The following PCM1 variants were observed in gnomAD, a reference collection of about 807,000 sequenced individuals.
PCM1 encodes the protein pericentriolar material 1 protein.
In PCM1, 157 loss-of-function variants were observed where a neutral mutation model predicts 241.9. That is an observed-to-expected ratio of 0.65 (90% CI 0.57 to 0.74). The LOEUF is 0.74. Among genes scored for constraint, PCM1 ranks in the 30% least tolerant of loss-of-function variants. The pLI is 0.00. For missense variants in PCM1, 3,478 were observed against 2,360.1 expected, an observed-to-expected ratio of 1.47 and a Z score of -9.81; for synonymous variants, 1,085 against 784.9, an observed-to-expected ratio of 1.38 and a Z score of -6.39.
intron 24 of PCM1, among the ~76,000 whole-genome samples, chr8:17,984,172 A>AT (rs1285164984): frequency 2.0e-5 from 3 of 152,140 alleles, no homozygotes; most frequent in African/African-American, 7.2e-5. Context: ...CGCAATTTAG[A>AT]TTGATAATTT....
At chr8:17,942,335 C>T (rs889992137) in intron 6 of PCM1, among the ~76,000 whole-genome samples, 8 of 151,972 alleles carry the variant, frequency 5.3e-5, no homozygotes, top group Non-Finnish European at 5.9e-5. Flanking sequence ...GGCACGGTGG[C>T]GCACGCCTGT....
At chr8:17,934,084 T>C (rs2059772009) in intron 2 of PCM1, among the ~76,000 whole-genome samples, 1 of 152,092 alleles carries the variant, frequency 6.6e-6, no homozygotes, top group Non-Finnish European at 1.5e-5. Context: ...TGCTATATAA[T>C]TTGTTAAAGT....
At chr8:17,990,209 C>G (rs978085510) in intron 27 of PCM1, among the ~76,000 whole-genome samples, 1 of 152,022 alleles carries the variant, frequency 6.6e-6, no homozygotes, top group Non-Finnish European at 1.5e-5. Context: ...GGAATTTTAA[C>G]CTACCTTGCT....
In PCM1 at chr8:18,011,718, A is replaced by T; in HGVS notation, c.5402A>T (p.Asp1801Val). 1 of 1,613,240 alleles carries T rather than the reference A, an allele frequency of 6.2e-7. No homozygotes were observed. The highest frequency in any genetic ancestry group is 8.5e-7 in the Non-Finnish European group (1 of 1,179,446). ...TTAACTAATTATGGAAGTGGAGAAG[A>T]TGAAAATGAGGATGAAGAAATGGAA... ...QALTNYGSGE[D>V]ENEDEEMEEF... Residue 1801 changes from aspartate to valine, a missense_variant, in exon 34 of 39, where the codon GAT becomes GTT. Coordinates refer to ENST00000325083, the MANE Select transcript of PCM1 (RefSeq NM_006197.4).
chr8:18,026,795 A>G (rs1407700532), intron 38 of PCM1, among the ~76,000 whole-genome samples: 2 of 152,050 alleles, frequency 1.3e-5, no homozygotes, highest in Non-Finnish European at 2.9e-5. Context: ...AACTTTGGTC[A>G]TTATCCCTTG....
At position 17,961,304 on chromosome 8, in the gene PCM1, C is replaced by CTTTTTTTTT. The variant is rs35468848; in HGVS notation, c.2323-714_2323-706dup. On this transcript the variant is annotated intron_variant, in intron 15 of 38. Coordinates refer to ENST00000325083, the MANE Select transcript of PCM1 (RefSeq NM_006197.4). ...TATTTTCCCAGAGTTTATTGGCTAG[C>CTTTTTTTTT]TTTTTTTTTTTTTTTTTTTTTTTTG... Among the ~76,000 whole-genome samples the CTTTTTTTTT allele has an allele frequency of 8.0e-4, 63 of 79,138 alleles. 6 individuals carry two copies. The highest frequency in any genetic ancestry group is 0.023 in the Middle Eastern group (1 of 44). The allele number at this position is 79,138 out of a possible 152,430, so 51.9% of individuals were successfully genotyped here. A position where few individuals can be genotyped will look rare whatever the true frequency, so the allele number is the denominator to read the frequency against.
At chr8:18,010,140 A>G (rs2129485250) in intron 31 of PCM1, among the ~76,000 whole-genome samples, 1 of 152,248 alleles carries the variant, frequency 6.6e-6, no homozygotes, top group East Asian at 1.9e-4. Flanking sequence ...AGTCAACACA[A>G]ATGCTTATTA....
chr8:18,002,882 A>G (rs2090083409), intron 29 of PCM1, among the ~76,000 whole-genome samples: 1 of 151,382 alleles, frequency 6.6e-6, no homozygotes, highest in Non-Finnish European at 1.5e-5. Flanking sequence ...TCTTTTGAGA[A>G]GTGTCTGTTC....
At chr8:18,018,463 G>A (rs1178472814) in intron 36 of PCM1, among the ~76,000 whole-genome samples, 1 of 152,176 alleles carries the variant, frequency 6.6e-6, no homozygotes, top group East Asian at 1.9e-4. Context: ...CAATCCAAGG[G>A]CTTTACCCAG....
At chr8:17,930,345 C>T (rs879674295) in intron 2 of PCM1, among the ~76,000 whole-genome samples, 18 of 151,620 alleles carry the variant, frequency 1.2e-4, no homozygotes, top group Non-Finnish European at 2.1e-4. Flanking sequence ...CCTCGTGATC[C>T]GCCTGCCTTG....
chr8:17,924,557 T>A (rs2056127288), intron 1 of PCM1, among the ~76,000 whole-genome samples, 156 bp from the exon 2 acceptor site: 3 of 152,210 alleles, frequency 2.0e-5, no homozygotes, highest in African/African-American at 7.2e-5. Flanking sequence ...CCAAAAGAAT[T>A]GAGGTAACTT....
intron 8 of PCM1, among the ~76,000 whole-genome samples, chr8:17,952,584 T>C (rs1694157904): frequency 6.6e-6 from 1 of 152,184 alleles, no homozygotes; most frequent in South Asian, 2.1e-4. Context: ...TTTAAAAATA[T>C]AACAGCTATT....
At chr8:18,011,501 A>C in intron 33 of PCM1, 135 bp downstream of exon 33, 1 of 1,058,956 alleles carries the variant, frequency 9.4e-7, no homozygotes, top group Non-Finnish European at 1.3e-6. Flanking sequence ...TGTGACCCTG[A>C]CTAAATTATC....
chr8:17,967,642 C>T (rs774453619), intron 21 of PCM1, among the ~76,000 whole-genome samples: 3 of 152,144 alleles, frequency 2.0e-5, no homozygotes, highest in Admixed American at 6.5e-5. Flanking sequence ...TTTAATAATA[C>T]GGTTGCTAAT....
Position 17,986,048 on chromosome 8 carries a change from A to G in PCM1, c.4371A>G (p.Ser1457=). The part of the protein sequence containing the change: ...VNSGTWIASN[S]ELTPSESLAT... ...CTGGTACTTGGATAGCATCAAACTC[A>G]GAACTTACTCCTAGTGAGAGCCTTG... Residue 1457 remains serine (S), a synonymous_variant, in exon 26 of 39, where the codon TCA becomes TCG. Transcript: ENST00000325083. 1 of 1,602,486 alleles carries G rather than the reference A, an allele frequency of 6.2e-7. No homozygotes were observed. Among genetic ancestry groups the G allele is most frequent in the Non-Finnish European group, 8.5e-7 (1 of 1,172,968 alleles).
chr8:17,966,884 C>T lies in PCM1; in HGVS notation c.3222-96C>T, dbSNP rs1443965267. 1.2e-5 allele frequency: 14 copies of T among 1,164,002 alleles called. No individual in the cohort carries two copies. The East Asian group carries it at 1.8e-4, about 15-fold the overall frequency. The allele number at this position is 1,164,002 out of a possible 1,614,324, so 72.1% of individuals were successfully genotyped here. A position where few individuals can be genotyped will look rare whatever the true frequency, so the allele number is the denominator to read the frequency against. On this transcript the variant is annotated intron_variant, in intron 20 of 38. Coordinates refer to ENST00000325083, the MANE Select transcript of PCM1 (RefSeq NM_006197.4). ...AGTATCAGAGCAGTTTGTCTGCATG[C>T]TTTTGAATCATTTTTTTACATGTAT...
At chr8:17,926,954 T>A (rs2129445540) in intron 2 of PCM1, 1 of 152,228 alleles carries the variant, frequency 6.6e-6, no homozygotes, top group Admixed American at 6.5e-5. Flanking sequence ...CCTAGAAAAG[T>A]CATTGCAAGT....
At chr8:17,950,467 G>T (rs915366481) in intron 7 of PCM1, 148 bp from the exon 8 acceptor site, 3 of 580,262 alleles carry the variant, frequency 5.2e-6, no homozygotes, top group Non-Finnish European at 9.0e-6. Context: ...TAAAATGATT[G>T]TTGGCAGATA....
chr8:17,924,488 G>C (rs2056095723), intron 1 of PCM1, among the ~76,000 whole-genome samples: 1 of 152,322 alleles, frequency 6.6e-6, no homozygotes, highest in Non-Finnish European at 1.5e-5. Flanking sequence ...TCACTTTGCT[G>C]TTTGGTAAGA....
Sources: allele counts gnomAD v4.1 joint callset (sites outside exome capture counted in the v4.1 genomes callset), GRCh38; gene constraint gnomAD v4.1.1; transcripts MANE v1.5; gene names NCBI Gene and HGNC (gene_info 2026-07-23, HGNC 2026-07-21).